The following CYP46A1 variants were observed in gnomAD, a reference collection of about 807,000 sequenced individuals.
CYP46A1 encodes cytochrome P450 family 46 subfamily A member 1, also known as cholesterol 24-hydroxylase.
CYP46A1 carries 20 observed loss-of-function variants against 63.3 expected under a neutral mutation model. The observed-to-expected ratio is 0.32, with a 90% CI of 0.22 to 0.46. The LOEUF (loss-of-function observed/expected upper bound fraction) is 0.46. CYP46A1 is among the 20% of genes least tolerant of loss of function. CYP46A1 has a pLI of 1.00. For missense variants in CYP46A1, 445 were observed against 670.8 expected (o/e 0.66, Z 3.72); for synonymous variants, 268 against 273.6 (o/e 0.98, Z 0.20).
At chr14:99,685,535 C>T (rs529276875) in intron 1 of CYP46A1, among the ~76,000 whole-genome samples, 43 of 151,990 alleles carry the variant, frequency 2.8e-4, no homozygotes, top group African/African-American at 1.0e-3. Context: ...ATGTGAGCCC[C>T]GGGAGGACAG....
chr14:99,726,717 C>A lies in CYP46A1; in HGVS notation c.1493C>A (p.Pro498His). 1 of 1,530,284 alleles carries A rather than the reference C, an allele frequency of 6.5e-7. No individual in the cohort carries two copies. Among genetic ancestry groups the A allele is most frequent in the Non-Finnish European group, 8.8e-7 (1 of 1,137,096 alleles). 94.8% of individuals were successfully genotyped at this position (1,530,284 alleles called of 1,614,324 possible). Residue 498 changes from proline to histidine, a missense_variant, in exon 15 of 15, where the codon CCC (proline) becomes CAC (histidine). Coordinates refer to ENST00000261835, the MANE Select transcript of CYP46A1 (RefSeq NM_006668.2). Reference sequence around the variant, plus strand: ...GGCTGGCAGCCCGCACCCCCACCACCCCCCTGCTGAGGGGGCCTCCAGGCA... The same window carrying A: ...GGCTGGCAGCCCGCACCCCCACCACACCCCTGCTGAGGGGGCCTCCAGGCA... ...PRGWQPAPPP[P>H]PC
At position 99,727,202 on chromosome 14, in the gene CYP46A1, G is replaced by A. The variant is rs552070370; in HGVS notation, c.*475G>A. 109 of 158,306 alleles carry A rather than the reference G, an allele frequency of 6.9e-4. No homozygotes were observed. Among genetic ancestry groups the A allele is most frequent in the Non-Finnish European group, 9.6e-4 (69 of 72,128 alleles). 9.8% of individuals were successfully genotyped at this position (158,306 alleles called of 1,614,324 possible). ...CCAATTGCCCTGCCAGGCTGTCAGC[G>A]CCTCAAGGGTAGGGTCTGCGTGTGA... On this transcript the variant is annotated 3_prime_UTR_variant, in exon 15 of 15. Transcript: ENST00000261835.
In CYP46A1 at chr14:99,707,682, C is replaced by T. The variant is rs200847078; in HGVS notation, c.693+4C>T. 22 of 1,613,170 alleles carry T rather than the reference C, an allele frequency of 1.4e-5. No individual in the cohort carries two copies. The highest frequency in any genetic ancestry group is 8.9e-5 in the East Asian group (4 of 44,850). ...GTCCCGCAACACTCTGGCAAAGGTA[C>T]TGCCTCAGCACCCCCTCTGGTGACC... On this transcript the variant is annotated splice_donor_region_variant and intron_variant, in intron 7 of 14. Coordinates refer to ENST00000261835, the MANE Select transcript of CYP46A1 (RefSeq NM_006668.2).
intron 7 of CYP46A1, chr14:99,711,994 T>C (rs1221728404): frequency 2.0e-5 from 3 of 152,190 alleles, no homozygotes; most frequent in Admixed American, 2.0e-4. Context: ...CACAAGTCAA[T>C]AAATGTTATA....
At chr14:99,719,928 AT>A (rs1186364743) in intron 10 of CYP46A1, among the ~76,000 whole-genome samples, 1 of 150,958 alleles carries the variant, frequency 6.6e-6, no homozygotes. Flanking sequence ...TGCCTGGCTA[AT>A]TTTTTTTGTA....
At chr14:99,697,664 A>G (rs919272973) in intron 3 of CYP46A1, among the ~76,000 whole-genome samples, 4 of 152,168 alleles carry the variant, frequency 2.6e-5, no homozygotes, top group Non-Finnish European at 5.9e-5. Flanking sequence ...AGTCCTTAGC[A>G]GTTTCTCCTT....
At chr14:99,716,083 A>G in intron 8 of CYP46A1, 54 bp from the exon 9 acceptor site, 1 of 1,612,636 alleles carries the variant, frequency 6.2e-7, no homozygotes, top group Non-Finnish European at 8.5e-7. Context: ...TTTATGAGCC[A>G]TGGGGAAAGG....
intron 7 of CYP46A1, chr14:99,713,534 G>A (rs1370975057): frequency 6.6e-6 from 1 of 151,952 alleles, no homozygotes; most frequent in Non-Finnish European, 1.5e-5. Context: ...CATTGGTGTA[G>A]GCAAACATTT....
chr14:99,722,087 T>C lies in CYP46A1; in HGVS notation c.1176+21T>C. 3 of 1,587,262 alleles carry C rather than the reference T, an allele frequency of 1.9e-6. No individual in the cohort carries two copies. The highest frequency in any genetic ancestry group is 2.6e-6 in the Non-Finnish European group (3 of 1,160,112). ...TCTTGGTGGGTGGAGGCCCTGGGGG[T>C]CCTGGGGTGGGCTGGGCTGCTTGCC... On this transcript the variant is annotated intron_variant, in intron 12 of 14. Coordinates refer to ENST00000261835, the MANE Select transcript of CYP46A1 (RefSeq NM_006668.2). The surrounding 1 kb of genome is among the most constrained non-coding windows in gnomAD (Gnocchi z 4.6).
At position 99,705,464 on chromosome 14, in the gene CYP46A1, C is replaced by T. The variant is rs553539564; in HGVS notation, c.444-1183C>T. Among the ~76,000 whole-genome samples, 41 of 152,268 alleles carry T rather than the reference C, an allele frequency of 2.7e-4. No individual in the cohort carries two copies. The South Asian group carries it at 5.2e-3, about 19-fold the overall frequency. Reference sequence around the variant, plus strand: ...TGGCCGCAAGCAATCCTCCTGCTCTCGCCTTCCAAAGTATTGGGGTTATAG... The same window carrying T: ...TGGCCGCAAGCAATCCTCCTGCTCTTGCCTTCCAAAGTATTGGGGTTATAG... On this transcript the variant is annotated intron_variant, in intron 5 of 14. Transcript: ENST00000261835.
chr14:99,702,208 G>A (rs185464472), intron 5 of CYP46A1, among the ~76,000 whole-genome samples: 31 of 151,830 alleles, frequency 2.0e-4, no homozygotes, highest in African/African-American at 7.5e-4. Context: ...CATGCAATAT[G>A]TAGTCCTTTA....
Position 99,719,682 on chromosome 14 carries a change from C to T in CYP46A1, c.980+1556C>T, listed in dbSNP as rs145209549. 5.1e-3 allele frequency among the ~76,000 whole-genome samples: 779 copies of T among 151,674 alleles called. 4 individuals are homozygous for T. The highest frequency in any genetic ancestry group is 0.017 in the Middle Eastern group (5 of 292). ...CAGTATTTGTCTTTTTTGTGACTGG[C>T]TTGTTTCACTCGAATAATGTCCTCC... On this transcript the variant is annotated intron_variant, in intron 10 of 14. Transcript: ENST00000261835.
At chr14:99,706,082 A>G (rs1224349823) in intron 5 of CYP46A1, 1 of 152,404 alleles carries the variant, frequency 6.6e-6, no homozygotes, top group Non-Finnish European at 1.5e-5. Flanking sequence ...GCATTCTTCC[A>G]TATCTCTTTC....
chr14:99,726,714 C>T lies in CYP46A1; in HGVS notation c.1490C>T (p.Pro497Leu). 1 of 1,532,562 alleles carries T rather than the reference C, an allele frequency of 6.5e-7. No individual in the cohort carries two copies. Among genetic ancestry groups the T allele is most frequent in the South Asian group, 1.2e-5 (1 of 81,704 alleles). The allele number at this position is 1,532,562 out of a possible 1,614,324, so 94.9% of individuals were successfully genotyped here. The change falls in exon 15 of 15, where the codon CCA (proline) becomes CTA (leucine). Residue 497 changes from proline (P) to leucine (L), a missense_variant. Physicochemically the swap from Pro to Leu is moderately conservative, Grantham distance 98 (BLOSUM62 -3). Coordinates refer to ENST00000261835, the MANE Select transcript of CYP46A1 (RefSeq NM_006668.2). ...CGCGGCTGGCAGCCCGCACCCCCAC[C>T]ACCCCCCTGCTGAGGGGGCCTCCAG... is the stretch of plus-strand genomic sequence containing the variant. ...RPRGWQPAPP[P>L]PPC is the part of the protein sequence containing the mutation.
At position 99,684,398 on chromosome 14, in the gene CYP46A1, G is replaced by A; in HGVS notation, c.-20G>A. ...CGGCGCCCGGCCCGACCCTGGCCTG[G>A]CCTGCCCTGCCCCGGAGCCATGAGC... On this transcript the variant is annotated 5_prime_UTR_variant, in exon 1 of 15. Coordinates refer to ENST00000261835, the MANE Select transcript of CYP46A1 (RefSeq NM_006668.2). 7.0e-7 allele frequency: 1 copy of A among 1,427,294 alleles called. No homozygotes were observed. Among genetic ancestry groups the A allele is most frequent in the Admixed American group, 2.6e-5 (1 of 38,502 alleles). The allele number at this position is 1,427,294 out of a possible 1,614,324, so 88.4% of individuals were successfully genotyped here.
intron 9 of CYP46A1, 56 bp from the exon 10 acceptor site, chr14:99,717,998 T>A: frequency 7.1e-7 from 1 of 1,415,278 alleles, no homozygotes; most frequent in Non-Finnish European, 9.9e-7. Flanking sequence ...AGGCACAAAC[T>A]GTCTCCTTCA....
intron 7 of CYP46A1, 42 bp downstream of exon 7, chr14:99,707,720 T>C: frequency 5.1e-6 from 8 of 1,556,200 alleles, no homozygotes; most frequent in Non-Finnish European, 7.0e-6. Flanking sequence ...CCACCAGAGC[T>C]GTTGTCTTCA....
intron 1 of CYP46A1, among the ~76,000 whole-genome samples, chr14:99,688,699 C>T (rs939729538): frequency 6.6e-6 from 1 of 152,190 alleles, no homozygotes; most frequent in African/African-American, 2.4e-5. Context: ...TAGCTGCCGC[C>T]CCCTATGGTA....
rs953080642 is a variant in CYP46A1, at chr14:99,726,688, C to T, written c.1464C>T (p.Pro488=). ...ACCCCGTGCTGTGCACCCTGCGGCC[C>T]CGCGGCTGGCAGCCCGCACCCCCAC... The part of the protein sequence containing the change: ...PLDPVLCTLR[P]RGWQPAPPPP... The change falls in exon 15 of 15, where the codon CCC becomes CCT. Residue 488 remains proline (P), a synonymous_variant. Transcript: ENST00000261835. 1.3e-6 allele frequency: 2 copies of T among 1,547,268 alleles called. No individual in the cohort carries two copies. The highest frequency in any genetic ancestry group is 1.4e-5 in the African/African-American group (1 of 73,138).
Sources: allele counts gnomAD v4.1 joint callset (sites outside exome capture counted in the v4.1 genomes callset), GRCh38; gene constraint gnomAD v4.1.1; non-coding constraint Gnocchi (gnomAD v3.1); transcripts MANE v1.5; gene names NCBI Gene and HGNC (gene_info 2026-07-23, HGNC 2026-07-21).